The following CFAP74 variants were observed in gnomAD, a reference collection of about 807,000 sequenced individuals.
CFAP74 encodes the protein cilia- and flagella-associated protein 74.
Under a neutral mutation model 188.9 loss-of-function variants are expected in CFAP74, and 124 were observed. The ratio of observed to expected loss-of-function variants is 0.66; its 90% CI spans 0.57 to 0.76. CFAP74 has a LOEUF of 0.76. CFAP74 is among the 30% of genes least tolerant of loss of function. CFAP74 has a pLI of 0.00. For missense variants in CFAP74, 2,198 were observed against 2,165.2 expected, an observed-to-expected ratio of 1.02 and a Z score of -0.30; for synonymous variants, 956 against 916.7, an observed-to-expected ratio of 1.04 and a Z score of -0.77.
At chr1:1,991,624 T>A (rs894038054) in intron 1 of CFAP74, among the ~76,000 whole-genome samples, 2 of 150,846 alleles carry the variant, frequency 1.3e-5, no homozygotes, top group Non-Finnish European at 3.0e-5. Context: ...GTCAAAAGAT[T>A]TGGAATTCCA....
intron 25 of CFAP74, among the ~76,000 whole-genome samples, chr1:1,931,431 A>AG (rs1652362700): frequency 3.1e-5 from 2 of 64,560 alleles, no homozygotes; most frequent in Non-Finnish European, 6.0e-5. Context: ...CCCCATCTCA[A>AG]TAAAAAAAAA....
intron 33 of CFAP74, 131 bp from the exon 34 acceptor site, chr1:1,924,651 C>T: frequency 1.0e-6 from 1 of 956,914 alleles, no homozygotes; most frequent in Non-Finnish European, 1.5e-6. Flanking sequence ...CCTGATGACG[C>T]CAGCACACGT....
chr1:1,967,710 T>G (rs182548183), intron 11 of CFAP74, among the ~76,000 whole-genome samples: 1 of 152,264 alleles, frequency 6.6e-6, no homozygotes, highest in African/African-American at 2.4e-5. Flanking sequence ...GCAGTGACCT[T>G]GACCTTCAGG....
At chr1:1,981,360 C>T (rs964872848) in intron 6 of CFAP74, among the ~76,000 whole-genome samples, 1 of 152,164 alleles carries the variant, frequency 6.6e-6, no homozygotes, top group African/African-American at 2.4e-5. Flanking sequence ...AGCGGGAAAG[C>T]GCCTGGAACC....
In CFAP74 at chr1:1,940,341, G is replaced by A. The variant is rs563687483; in HGVS notation, c.2678C>T (p.Pro893Leu). The A allele has an allele frequency of 3.8e-5, 58 of 1,535,828 alleles. No individual in the cohort carries two copies. The highest frequency in any genetic ancestry group is 3.4e-4 in the East Asian group (14 of 40,896). Reference sequence around the variant, plus strand: ...CTGGTCGGCAACCCATATGGTCATCGGGGCCTCCAGGACTCGGGTCTCCTT... The same window carrying A: ...CTGGTCGGCAACCCATATGGTCATCAGGGCCTCCAGGACTCGGGTCTCCTT... Reference protein sequence around the residue: ...FDKETRVLEAPMTIWVADQNK... With the variant: ...FDKETRVLEALMTIWVADQNK... The change falls in exon 23 of 39, where the codon CCG (proline) becomes CTG (leucine). Residue 893 changes from proline (P) to leucine (L), a missense_variant. Transcript: ENST00000682832.
chr1:1,971,008 GCACATGCACACATCA>G (rs1291819602), intron 9 of CFAP74, among the ~76,000 whole-genome samples, 192 bp from the exon 10 acceptor site: 3 of 139,962 alleles, frequency 2.1e-5, no homozygotes, highest in South Asian at 2.3e-4. Flanking sequence ...ACGCACACCT[GCACATGCACACATCA>G]CACATGCACA....
intron 11 of CFAP74, among the ~76,000 whole-genome samples, chr1:1,966,900 G>A (rs1053386260): frequency 4.7e-5 from 7 of 150,234 alleles, no homozygotes; most frequent in African/African-American, 9.9e-5. Flanking sequence ...GTAGCAGCGC[G>A]ATCTCAGCTC....
At chr1:1,994,272 G>C (rs1398121941) in intron 1 of CFAP74, among the ~76,000 whole-genome samples, 4 of 150,838 alleles carry the variant, frequency 2.7e-5, no homozygotes, top group Non-Finnish European at 5.9e-5. Context: ...TTGAAATAAT[G>C]AGTAATTCCG....
At chr1:1,934,996 C>G (rs1211623489) in intron 25 of CFAP74, among the ~76,000 whole-genome samples, 1 of 72,240 alleles carries the variant, frequency 1.4e-5, no homozygotes, top group African/African-American at 5.4e-5. Context: ...GTTGTAGGTA[C>G]ACACGTGTGT....
chr1:1,999,952 T>C (rs1274197516), intron 1 of CFAP74, among the ~76,000 whole-genome samples: 1 of 151,890 alleles, frequency 6.6e-6, no homozygotes, highest in African/African-American at 2.4e-5. Flanking sequence ...GATCATGAGG[T>C]CAGGAGATCA....
At chr1:1,998,659 G>T (rs868107241) in intron 1 of CFAP74, among the ~76,000 whole-genome samples, 53 of 152,310 alleles carry the variant, frequency 3.5e-4, no homozygotes, top group Middle Eastern at 3.4e-3. Flanking sequence ...CAGATCGTGA[G>T]GTCAGGAGAT....
At chr1:1,985,580 T>C in intron 5 of CFAP74, 90 bp from the exon 6 acceptor site, 1 of 1,038,624 alleles carries the variant, frequency 9.6e-7, no homozygotes, top group Non-Finnish European at 1.5e-6. Context: ...TGGCCTCCTC[T>C]CGCTCAGGAG....
intron 23 of CFAP74, 104 bp downstream of exon 23, chr1:1,940,212 G>C: frequency 1.1e-6 from 1 of 875,332 alleles, no homozygotes; most frequent in East Asian, 2.7e-5. Flanking sequence ...AAGTGAGGAT[G>C]AGCCCTTTTG....
chr1:1,994,568 G>C (rs925674820), intron 1 of CFAP74, among the ~76,000 whole-genome samples: 4 of 152,308 alleles, frequency 2.6e-5, no homozygotes, highest in East Asian at 3.9e-4. Flanking sequence ...TGATTAAGCT[G>C]CTAGTCTTTG....
intron 18 of CFAP74, among the ~76,000 whole-genome samples, 195 bp from the exon 19 acceptor site, chr1:1,947,249 G>C (rs1453854056): frequency 6.6e-6 from 1 of 152,244 alleles, no homozygotes; most frequent in Non-Finnish European, 1.5e-5. Flanking sequence ...ACCGTGCCCG[G>C]AGGGCTTTGG....
At chr1:1,938,638 C>T (rs1351252852) in intron 25 of CFAP74, among the ~76,000 whole-genome samples, 6 of 152,220 alleles carry the variant, frequency 3.9e-5, no homozygotes, top group African/African-American at 1.4e-4. Flanking sequence ...CACAAACACA[C>T]ACGTCTGAGT....
Position 1,990,943 on chromosome 1 carries a change from C to T in CFAP74, c.14G>A (p.Gly5Asp), listed in dbSNP as rs1419339109. MEDD[G>D]SLLPEDELLA... ...AAGCTCGTCCTCAGGGAGCAGGCTG[C>T]CGTCATCCTCCATGCTGGGAGATAG... The change falls in exon 2 of 39, where the codon GGC becomes GAC. Residue 5 changes from glycine (G) to aspartate (D), a missense_variant. Physicochemically the swap from Gly to Asp is moderately conservative, Grantham distance 94 (BLOSUM62 -1). Transcript: ENST00000682832. The T allele has an allele frequency of 6.2e-7, 1 of 1,612,508 alleles. No homozygotes were observed. Among genetic ancestry groups the T allele is most frequent in the East Asian group, 2.2e-5 (1 of 44,822 alleles).
At chr1:1,931,372 G>A (rs1393949144) in intron 25 of CFAP74, among the ~76,000 whole-genome samples, 1 of 146,644 alleles carries the variant, frequency 6.8e-6, no homozygotes, top group East Asian at 2.0e-4. Flanking sequence ...GGAGCTTGCA[G>A]TGAGCTGAGA....
chr1:1,982,550 A>C (rs2102097243), intron 6 of CFAP74, among the ~76,000 whole-genome samples: 1 of 152,366 alleles, frequency 6.6e-6, no homozygotes, highest in Middle Eastern at 3.4e-3. Context: ...TGGAGAGCAG[A>C]CCAGAGGTTG....
Sources: allele counts gnomAD v4.1 joint callset (sites outside exome capture counted in the v4.1 genomes callset), GRCh38; gene constraint gnomAD v4.1.1; transcripts MANE v1.5; gene names NCBI Gene and HGNC (gene_info 2026-07-23, HGNC 2026-07-21).